PRKCE: variants seen among roughly 807,000 people sequenced by gnomAD.
The protein encoded by PRKCE is protein kinase C epsilon, also known as protein kinase C epsilon type.
PRKCE carries 16 observed loss-of-function variants against 85.4 expected under a neutral mutation model. That is an observed-to-expected ratio of 0.19 (90% CI 0.13 to 0.28). PRKCE has a LOEUF of 0.28. PRKCE is among the 10% of genes least tolerant of loss of function. The pLI is 1.00. For missense variants in PRKCE, 573 were observed against 975.2 expected (o/e 0.59, Z 5.49); for synonymous variants, 388 against 371.5 (o/e 1.04, Z -0.51).
chr2:45,663,732 G>A (rs182655967), intron 1 of PRKCE, among the ~76,000 whole-genome samples: 6 of 152,066 alleles, frequency 3.9e-5, no homozygotes, highest in Admixed American at 1.3e-4. Context: ...GCAGTGAGCC[G>A]ATGTTACGCC....
chr2:45,672,352 A>C (rs934910664), intron 1 of PRKCE, among the ~76,000 whole-genome samples: 1 of 151,588 alleles, frequency 6.6e-6, no homozygotes, highest in African/African-American at 2.4e-5. Flanking sequence ...CCATCTCTTC[A>C]TTCATCCATT....
intron 1 of PRKCE, among the ~76,000 whole-genome samples, chr2:45,712,210 C>T (rs1679715973): frequency 1.6e-5 from 2 of 122,538 alleles, no homozygotes. Flanking sequence ...TGCAGTGGTG[C>T]AATCTCGGCT....
Position 45,895,894 on chromosome 2 carries a change from A to C in PRKCE, c.412+52831A>C, listed in dbSNP as rs1173934726. ...GATGCAGGCAAGGGGCTCCCAGAGG[A>C]GTTGGTGTCTGGGCTGTGGCTGAAG... On this transcript the variant is annotated intron_variant, in intron 2 of 14. Transcript: ENST00000306156. The surrounding 1 kb of genome is among the most constrained non-coding windows in gnomAD (Gnocchi z 4.8). Among the ~76,000 whole-genome samples the C allele has an allele frequency of 6.6e-6, 1 of 152,044 alleles. No homozygotes were observed. Among genetic ancestry groups the C allele is most frequent in the Non-Finnish European group, 1.5e-5 (1 of 68,000 alleles).
Position 45,922,416 on chromosome 2 carries a change from A to T in PRKCE, c.413-54013A>T, listed in dbSNP as rs541901367. ...CCCTTATACCCTCAGGGGGCAAAAC[A>T]TCTAGAGTTGGGGGACACAGGAGTC... On this transcript the variant is annotated intron_variant, in intron 2 of 14. Coordinates refer to ENST00000306156, the MANE Select transcript of PRKCE (RefSeq NM_005400.3). 5.3e-5 allele frequency among the ~76,000 whole-genome samples: 8 copies of T among 152,278 alleles called. No homozygotes were observed. The East Asian group carries it at 1.4e-3, about 26-fold the overall frequency.
chr2:45,861,475 A>G (rs1036523721), intron 2 of PRKCE, among the ~76,000 whole-genome samples: 6 of 152,188 alleles, frequency 3.9e-5, no homozygotes, highest in African/African-American at 1.2e-4. Context: ...AAATATATAC[A>G]TTATATATAC....
chr2:46,097,563 T>G (rs1226692797), intron 11 of PRKCE, among the ~76,000 whole-genome samples: 2 of 150,570 alleles, frequency 1.3e-5, no homozygotes, highest in Non-Finnish European at 1.5e-5. Context: ...TTTGGTGTCT[T>G]GACTTCCCTG....
intron 2 of PRKCE, among the ~76,000 whole-genome samples, chr2:45,877,979 C>T (rs1444069470): frequency 6.6e-6 from 1 of 152,216 alleles, no homozygotes; most frequent in African/African-American, 2.4e-5. Flanking sequence ...GCATCCTTGC[C>T]CTTCCTCAGT....
At chr2:45,801,817 G>A (rs1032622505) in intron 1 of PRKCE, among the ~76,000 whole-genome samples, 2 of 152,194 alleles carry the variant, frequency 1.3e-5, no homozygotes, top group Non-Finnish European at 2.9e-5. Context: ...GGTGTGGCCT[G>A]AGGATGCTCC....
chr2:45,856,091 G>A (rs973510881), intron 2 of PRKCE, among the ~76,000 whole-genome samples: 16 of 151,858 alleles, frequency 1.1e-4, no homozygotes, highest in African/African-American at 3.6e-4. Context: ...AATTATAATC[G>A]ATACATAATA....
At chr2:45,923,658 G>T (rs1698415022) in intron 2 of PRKCE, among the ~76,000 whole-genome samples, 1 of 152,202 alleles carries the variant, frequency 6.6e-6, no homozygotes, top group African/African-American at 2.4e-5. Context: ...AATGTGTGCA[G>T]GTTTGTGATT....
chr2:45,741,160 C>T (rs1467700108), intron 1 of PRKCE, among the ~76,000 whole-genome samples: 2 of 152,160 alleles, frequency 1.3e-5, no homozygotes, highest in East Asian at 1.9e-4. Flanking sequence ...CTATCGGTGC[C>T]TGTAAAGGAG....
intron 2 of PRKCE, among the ~76,000 whole-genome samples, chr2:45,947,677 T>C (rs1700332484): frequency 6.6e-6 from 1 of 152,238 alleles, no homozygotes; most frequent in South Asian, 2.1e-4. Context: ...CAGTTGTCTA[T>C]AGTCCTTATA....
chr2:46,103,282 CT>C (rs1671408011), intron 11 of PRKCE, among the ~76,000 whole-genome samples: 1 of 152,160 alleles, frequency 6.6e-6, no homozygotes, highest in African/African-American at 2.4e-5. Context: ...CACTTTCTTA[CT>C]TTCTGGTATT....
intron 2 of PRKCE, among the ~76,000 whole-genome samples, chr2:45,959,874 A>C (rs995225193): frequency 6.6e-6 from 1 of 152,090 alleles, no homozygotes; most frequent in South Asian, 2.1e-4. Flanking sequence ...TGTGAGAGGG[A>C]GTTGTCTCTA....
intron 3 of PRKCE, chr2:45,978,772 C>T: frequency 1.8e-6 from 1 of 555,150 alleles, no homozygotes; most frequent in South Asian, 2.2e-5. Flanking sequence ...CCTTGCACCT[C>T]CCCAAGCACT....
intron 1 of PRKCE, among the ~76,000 whole-genome samples, chr2:45,758,567 C>A (rs1002293434): frequency 3.9e-5 from 6 of 152,108 alleles, no homozygotes; most frequent in Non-Finnish European, 7.4e-5. Context: ...TGATCTGTGC[C>A]CAAATGTTAC....
rs55906298 is a variant in PRKCE, at chr2:45,982,252, G to A, written c.693+1871G>A. 5.7e-3 allele frequency among the ~76,000 whole-genome samples: 836 copies of A among 146,048 alleles called. 4 individuals carry two copies. The highest frequency in any genetic ancestry group is 8.6e-3 in the South Asian group (39 of 4,516). ...TCTGCCGGGTTACTGAACTGCTGGGGACCAAACTTTGAGTTCGTTCTTTTG... is the reference window on the plus strand; with the variant it reads ...TCTGCCGGGTTACTGAACTGCTGGGAACCAAACTTTGAGTTCGTTCTTTTG... On this transcript the variant is annotated intron_variant, in intron 5 of 14. Transcript: ENST00000306156.
intron 2 of PRKCE, among the ~76,000 whole-genome samples, chr2:45,966,743 G>C (rs1701757776): frequency 6.6e-6 from 1 of 152,098 alleles, no homozygotes; most frequent in Non-Finnish European, 1.5e-5. Flanking sequence ...AAGCCTTGTG[G>C]GATGGGGTGT....
intron 4 of PRKCE, among the ~76,000 whole-genome samples, chr2:45,979,358 G>A (rs1435558331): frequency 1.3e-5 from 2 of 152,164 alleles, no homozygotes; most frequent in African/African-American, 4.8e-5. Context: ...CTGGGTCTGT[G>A]TATTCTGCCA....
Sources: allele counts gnomAD v4.1 joint callset (sites outside exome capture counted in the v4.1 genomes callset), GRCh38; gene constraint gnomAD v4.1.1; non-coding constraint Gnocchi (gnomAD v3.1); transcripts MANE v1.5; gene names NCBI Gene and HGNC (gene_info 2026-07-23, HGNC 2026-07-21).